The following CFAP65 variants were observed in gnomAD, a reference collection of about 807,000 sequenced individuals.
The protein encoded by CFAP65 is cilia and flagella associated protein 65, also known as cilia- and flagella-associated protein 65.
In CFAP65, 155 loss-of-function variants were observed where a neutral mutation model predicts 208.0. The observed-to-expected ratio is 0.75, with a 90% CI of 0.65 to 0.85. The LOEUF is 0.85. CFAP65 is among the 40% of genes least tolerant of loss of function. The pLI is 0.00. For synonymous variants in CFAP65, 970 were observed against 986.3 expected (o/e 0.98, Z 0.31); for missense variants, 2,294 against 2,451.3 (o/e 0.94, Z 1.36).
intron 22 of CFAP65, 106 bp downstream of exon 22, chr2:219,013,762 C>T: frequency 8.2e-7 from 1 of 1,216,546 alleles, no homozygotes; most frequent in Non-Finnish European, 1.2e-6. Flanking sequence ...GAAGGTGGTC[C>T]TCCCAGGGAA....
chr2:219,022,847 G>A (rs2106180790), intron 16 of CFAP65, among the ~76,000 whole-genome samples: 1 of 152,286 alleles, frequency 6.6e-6, no homozygotes, highest in African/African-American at 2.4e-5. Context: ...CTGGTGGCTG[G>A]CCATTTGGGC....
At position 219,010,650 on chromosome 2, in the gene CFAP65, C is replaced by T; in HGVS notation, c.4204G>A (p.Gly1402Arg). 6.2e-7 allele frequency: 1 copy of T among 1,610,952 alleles called. No individual in the cohort carries two copies. Among genetic ancestry groups the T allele is most frequent in the East Asian group, 2.2e-5 (1 of 44,862 alleles). The change falls in exon 26 of 35, where the codon GGA becomes AGA. Residue 1402 changes from glycine to arginine, a missense_variant. Gly to Arg is a moderately radical substitution (Grantham distance 125). Transcript: ENST00000341552. The part of the protein sequence containing the change: ...GWNSALIHFQ[G>R]VGYNPHMMGD... Reference sequence around the variant, plus strand: ...ATCATATGGGGGTTGTAGCCCACTCCCTGGAAGTGGATGAGGGCCGAGTTC... The same window carrying T: ...ATCATATGGGGGTTGTAGCCCACTCTCTGGAAGTGGATGAGGGCCGAGTTC...
At chr2:219,036,393 C>T (rs765765943) in intron 4 of CFAP65, among the ~76,000 whole-genome samples, 1 of 151,464 alleles carries the variant, frequency 6.6e-6, no homozygotes, top group African/African-American at 2.4e-5. Context: ...AACTGGATGC[C>T]TCCTCCAACC....
intron 17 of CFAP65, 80 bp from the exon 18 acceptor site, chr2:219,022,010 C>T (rs1947295716): frequency 5.1e-6 from 8 of 1,580,504 alleles, no homozygotes; most frequent in African/African-American, 1.3e-5. Flanking sequence ...ATTTTCAGAG[C>T]ATCCCCCAAG....
chr2:219,005,900 C>G, intron 31 of CFAP65, 121 bp downstream of exon 31: 1 of 1,011,786 alleles, frequency 9.9e-7, no homozygotes, highest in East Asian at 2.6e-5. Context: ...CTCAATGAGC[C>G]CCACTGCTGC....
At chr2:219,013,488 C>G (rs1559126288) in intron 23 of CFAP65, 31 bp downstream of exon 23, 5 of 1,584,970 alleles carry the variant, frequency 3.2e-6, no homozygotes, top group South Asian at 1.2e-5. Context: ...CAGCCTGAAA[C>G]TAGGGCAGGG....
At chr2:219,017,982 C>T (rs905799792) in intron 21 of CFAP65, among the ~76,000 whole-genome samples, 1 of 152,128 alleles carries the variant, frequency 6.6e-6, no homozygotes, top group Non-Finnish European at 1.5e-5. Flanking sequence ...AGCCAGTTTC[C>T]CCATCTTCCT....
rs554256421 is a variant in CFAP65, at chr2:219,004,184, A to G, written c.5323T>C (p.Leu1775=). ...TCTTCTTCCTCCTCTTCCTCCTCCA[A>G]CTCTTCTTCTTCCTCTTCACCCTTC... The part of the protein sequence containing the change: ...EEKGEEEEEE[L]EEEEEEEEET... Residue 1775 remains leucine (L), a synonymous_variant, in exon 33 of 35, where the codon TTG becomes CTG. Coordinates refer to ENST00000341552, the MANE Select transcript of CFAP65 (RefSeq NM_194302.4). The surrounding 1 kb of genome is among the most constrained non-coding windows in gnomAD (Gnocchi z 4.7). 4 of 1,606,350 alleles carry G rather than the reference A, an allele frequency of 2.5e-6. No homozygotes were observed. The South Asian group carries it at 3.3e-5, about 13-fold the overall frequency.
In CFAP65 at chr2:219,031,464, C is replaced by G. The variant is rs780829461; in HGVS notation, c.815+25G>C. 6.2e-7 allele frequency: 1 copy of G among 1,613,978 alleles called. No homozygotes were observed. The highest frequency in any genetic ancestry group is 1.3e-5 in the African/African-American group (1 of 74,932). On this transcript the variant is annotated intron_variant, in intron 7 of 34. Transcript: ENST00000341552. The surrounding 1 kb of genome is among the most constrained non-coding windows in gnomAD (Gnocchi z 5.2). ...CCCTCCTCACAGCTCTTGCTCTCCC[C>G]GCCGCACCTCAGCCTCTTCCTCACC...
intron 13 of CFAP65, chr2:219,026,850 C>A: frequency 1.0e-6 from 1 of 986,538 alleles, no homozygotes; most frequent in Middle Eastern, 5.2e-4. Flanking sequence ...TTCCTACAAA[C>A]CTCAACATCA....
At chr2:219,028,460 C>T in intron 11 of CFAP65, 59 bp from the exon 12 acceptor site, 2 of 1,440,346 alleles carry the variant, frequency 1.4e-6, no homozygotes, top group East Asian at 2.3e-5. Context: ...AAGGGGGGTG[C>T]TGGGGGTTGA....
chr2:219,007,377 C>A (rs1159067089), intron 29 of CFAP65, among the ~76,000 whole-genome samples: 1 of 152,014 alleles, frequency 6.6e-6, no homozygotes, highest in South Asian at 2.1e-4. Flanking sequence ...CAGGGTCTCA[C>A]TATGTTGTCC....
At chr2:219,021,380 G>T in intron 18 of CFAP65, 100 bp from the exon 19 acceptor site, 1 of 1,360,290 alleles carries the variant, frequency 7.4e-7, no homozygotes, top group Non-Finnish European at 9.7e-7. Flanking sequence ...GGGGAGGACA[G>T]CAGGCCCTGA....
intron 21 of CFAP65, chr2:219,018,804 T>C (rs1947075311): frequency 1.9e-6 from 1 of 531,638 alleles, no homozygotes; most frequent in African/African-American, 1.9e-5. Context: ...AAGGCCACTA[T>C]GCCCAGGCTC....
chr2:219,029,573 C>T lies in CFAP65; in HGVS notation c.1480G>A (p.Asp494Asn). ...GCAAACTGGAAGTGGGCCGTGCAGTCCGATTGGTTCTCAATCCACAGGGGC... is the reference window on the plus strand; with the variant it reads ...GCAAACTGGAAGTGGGCCGTGCAGTTCGATTGGTTCTCAATCCACAGGGGC... Reference protein sequence around the residue: ...EQPLWIENQSDCTAHFQFAID... With the variant: ...EQPLWIENQSNCTAHFQFAID... The change falls in exon 11 of 35, where the codon GAC becomes AAC. Residue 494 changes from aspartate (D) to asparagine (N), a missense_variant. This residue lies in a region of CFAP65 where 867 missense variants were observed against 1,012.6 expected (regional missense o/e 0.86). Transcript: ENST00000341552. 1 of 1,614,132 alleles carries T rather than the reference C, an allele frequency of 6.2e-7. No homozygotes were observed. The highest frequency in any genetic ancestry group is 8.5e-7 in the Non-Finnish European group (1 of 1,180,014).
chr2:219,014,236 A>T (rs1215601067), intron 21 of CFAP65, 192 bp from the exon 22 acceptor site: 2 of 483,698 alleles, frequency 4.1e-6, no homozygotes, highest in Non-Finnish European at 7.2e-6. Context: ...AATGGCCCCA[A>T]AACCCAGGAA....
intron 4 of CFAP65, among the ~76,000 whole-genome samples, chr2:219,036,620 T>C (rs1423312009): frequency 6.6e-6 from 1 of 152,080 alleles, no homozygotes. Flanking sequence ...GATTTTTGTA[T>C]TTCTGTAGAG....
chr2:219,037,580 C>T (rs1948441734), intron 4 of CFAP65, among the ~76,000 whole-genome samples: 2 of 152,256 alleles, frequency 1.3e-5, no homozygotes, highest in East Asian at 3.9e-4. Context: ...CAGCTGCTGA[C>T]AGAGACACTG....
At chr2:219,039,261 G>A (rs1948543837) in intron 2 of CFAP65, 2 of 394,594 alleles carry the variant, frequency 5.1e-6, no homozygotes, top group Admixed American at 4.4e-5. Context: ...GAGGATGCTT[G>A]ACCTCAATCT....
Sources: gnomAD v4.1 joint callset for allele counts (sites outside exome capture counted in the v4.1 genomes callset) on GRCh38, gnomAD v4.1.1 for gene constraint, gnomAD v4.1.1 regional missense constraint, Gnocchi (gnomAD v3.1) non-coding constraint, MANE v1.5 for transcripts, NCBI Gene and HGNC (gene_info 2026-07-23, HGNC 2026-07-21) for gene names.